POPDC2: variants seen among roughly 807,000 people sequenced by gnomAD.
POPDC2 encodes the protein popeye domain-containing protein 2.
Under a neutral mutation model 30.5 loss-of-function variants are expected in POPDC2, and 24 were observed. That is an observed-to-expected ratio of 0.79 (90% confidence interval 0.57 to 1.11). The LOEUF (loss-of-function observed/expected upper bound fraction) is 1.11, where lower values mean the gene tolerates loss of function less well. Among genes scored for constraint, POPDC2 ranks in the 50% least tolerant of loss-of-function variants. The pLI, the probability that POPDC2 is intolerant of heterozygous loss-of-function variation, is 0.00. For missense variants in POPDC2, 409 were observed against 447.0 expected (o/e 0.91, Z 0.77); for synonymous variants, 185 against 183.3 (o/e 1.01, Z -0.07).
intron 3 of POPDC2, among the ~76,000 whole-genome samples, chr3:119,646,790 G>A (rs565097094): frequency 1.4e-4 from 21 of 152,306 alleles, no homozygotes; most frequent in Admixed American, 1.1e-3. Flanking sequence ...GCTGTGAGTC[G>A]AAGAGAGAGT....
Position 119,648,449 on chromosome 3 carries a change from T to C in POPDC2, c.820A>G (p.Thr274Ala). 6.2e-7 allele frequency: 1 copy of C among 1,614,004 alleles called. No individual in the cohort carries two copies. Among genetic ancestry groups the C allele is most frequent in the East Asian group, 2.2e-5 (1 of 44,874 alleles). ...GACTCTGGTCCAGCATCTGCAGCAGTGGGACCCAGGACATGGTAGAGGCTG... is the reference window on the plus strand; with the variant it reads ...GACTCTGGTCCAGCATCTGCAGCAGCGGGACCCAGGACATGGTAGAGGCTG... ...LPSLYHVLGP[T>A]AADAGPESEK... is the part of the protein sequence containing the mutation. Residue 274 changes from threonine to alanine, a missense_variant, in exon 3 of 4, where the codon ACT becomes GCT. Coordinates refer to ENST00000493094, the MANE Select transcript of POPDC2 (RefSeq NM_001369919.2).
Position 119,660,545 on chromosome 3 carries a change from C to T in POPDC2, c.-122G>A, listed in dbSNP as rs2052931780. On this transcript the variant is annotated 5_prime_UTR_variant, in exon 1 of 4. In the 5' UTR this introduces an upstream ATG that the reference lacks. Coordinates refer to ENST00000493094, the MANE Select transcript of POPDC2 (RefSeq NM_001369919.2). ...CTCCGGCTTCTCACTACCGACTCCA[C>T]CTTTCCTAGAAGGAATGCTTCCGGT... 3.5e-6 allele frequency: 4 copies of T among 1,146,550 alleles called. No homozygotes were observed. Among genetic ancestry groups the T allele is most frequent in the East Asian group, 2.6e-5 (1 of 38,818 alleles). 71.0% of individuals were successfully genotyped at this position (1,146,550 alleles called of 1,614,324 possible). A position where few individuals can be genotyped will look rare whatever the true frequency, so the allele number is the denominator to read the frequency against.
intron 1 of POPDC2, among the ~76,000 whole-genome samples, chr3:119,659,030 G>A (rs1309204335): frequency 6.6e-6 from 1 of 151,622 alleles, no homozygotes; most frequent in East Asian, 1.9e-4. Context: ...GGGCTCAAGA[G>A]CCACTAGGGC....
At position 119,642,557 on chromosome 3, in the gene POPDC2, A is replaced by G; in HGVS notation, c.*48T>C. ...GAGAGTAGCTCTGGAGAGGAATTCTAGAAGCTGTGGAAAGAAAAAGAGGGA... is the reference window on the plus strand; with the variant it reads ...GAGAGTAGCTCTGGAGAGGAATTCTGGAAGCTGTGGAAAGAAAAAGAGGGA... On this transcript the variant is annotated 3_prime_UTR_variant, in exon 4 of 4. Transcript: ENST00000493094. 6.2e-7 allele frequency: 1 copy of G among 1,608,292 alleles called. No individual in the cohort carries two copies. Among genetic ancestry groups the G allele is most frequent in the Non-Finnish European group, 8.5e-7 (1 of 1,174,768 alleles).
chr3:119,660,630 C>T, upstream of POPDC2: 2 of 279,800 alleles, frequency 7.1e-6, no homozygotes, highest in South Asian at 1.4e-4. Flanking sequence ...AAACCTCTTT[C>T]TCTCTCTCTC....
intron 2 of POPDC2, 67 bp downstream of exon 2, chr3:119,654,438 A>G: frequency 9.5e-7 from 1 of 1,054,044 alleles, no homozygotes. Flanking sequence ...GGAAACATGG[A>G]GGCACGGATA....
chr3:119,659,860 GA>G (rs1487797744), intron 1 of POPDC2, 72 bp downstream of exon 1: 3 of 1,485,516 alleles, frequency 2.0e-6, no homozygotes, highest in African/African-American at 1.4e-5. Context: ...ACATGAAATG[GA>G]AAGGGACACA....
In POPDC2 at chr3:119,660,115, G is replaced by A; in HGVS notation, c.309C>T (p.Thr103=). 6.2e-7 allele frequency: 1 copy of A among 1,614,178 alleles called. No homozygotes were observed. The highest frequency in any genetic ancestry group is 1.3e-5 in the African/African-American group (1 of 75,048). Residue 103 remains threonine, a synonymous_variant, in exon 1 of 4, where the codon ACC becomes ACT. Transcript: ENST00000493094. ...AGAGGAGGTCAAACTCCTCAGGGAG[G>A]GTGTCCTCACGCAGGCGGTATACCA... ...AHLVYRLRED[T]LPEEFDLLYK... is the part of the protein sequence containing the mutation.
Position 119,655,674 on chromosome 3 carries a change from C to T in POPDC2, c.492-1061G>A, listed in dbSNP as rs188614097. ...CCAGTGTTCTCTTATATAATGTTCA[C>T]AACACCACAAGGTAGATTATTCTTT... On this transcript the variant is annotated intron_variant, in intron 1 of 3. Transcript: ENST00000493094. Among the ~76,000 whole-genome samples, 227 of 152,332 alleles carry T rather than the reference C, an allele frequency of 1.5e-3. 1 individual carries two copies. Among genetic ancestry groups the T allele is most frequent in the Admixed American group, 6.9e-3 (106 of 15,302 alleles).
At chr3:119,651,659 G>A (rs893349878) in intron 2 of POPDC2, among the ~76,000 whole-genome samples, 9 of 144,464 alleles carry the variant, frequency 6.2e-5, no homozygotes, top group African/African-American at 1.0e-4. Context: ...CCCCTGAGAC[G>A]AAGTCTTGCT....
At chr3:119,643,274 C>G in intron 3 of POPDC2, 1 of 804,694 alleles carries the variant, frequency 1.2e-6, no homozygotes, top group Non-Finnish European at 2.1e-6. Context: ...TCCTCCCAAA[C>G]AGATGAAGGA....
intron 3 of POPDC2, among the ~76,000 whole-genome samples, chr3:119,644,968 C>A (rs2052728893): frequency 6.6e-6 from 1 of 152,188 alleles, no homozygotes; most frequent in Non-Finnish European, 1.5e-5. Context: ...TCACAGACTA[C>A]ATTGAAAACT....
At chr3:119,655,508 T>C (rs2107822045) in intron 1 of POPDC2, among the ~76,000 whole-genome samples, 1 of 152,342 alleles carries the variant, frequency 6.6e-6, no homozygotes, top group Non-Finnish European at 1.5e-5. Flanking sequence ...CACAGAAAGT[T>C]CTGTTGGATC....
chr3:119,658,826 AT>A (rs2052907437), intron 1 of POPDC2, among the ~76,000 whole-genome samples: 1 of 151,912 alleles, frequency 6.6e-6, no homozygotes, highest in Non-Finnish European at 1.5e-5. Context: ...ACAAACACGT[AT>A]TATTACTATT....
intron 3 of POPDC2, 76 bp downstream of exon 3, chr3:119,648,043 T>C: frequency 8.7e-7 from 1 of 1,148,564 alleles, no homozygotes; most frequent in East Asian, 2.7e-5. Flanking sequence ...CCACGAATGA[T>C]TTTTTTTGCC....
At chr3:119,659,604 A>G (rs1021924896) in intron 1 of POPDC2, among the ~76,000 whole-genome samples, 1 of 152,194 alleles carries the variant, frequency 6.6e-6, no homozygotes, top group Non-Finnish European at 1.5e-5. Flanking sequence ...GGCATGACAC[A>G]CTGATATGTG....
Position 119,648,755 on chromosome 3 carries a change from A to C in POPDC2, c.601-87T>G, listed in dbSNP as rs1218638843. On this transcript the variant is annotated intron_variant, in intron 2 of 3. Coordinates refer to ENST00000493094, the MANE Select transcript of POPDC2 (RefSeq NM_001369919.2). ...CAGAGATCATTCAGTCACTTGGCAA[A>C]CAGCTGTACTTTTACTGAAGAAGCT... 12 of 1,195,330 alleles carry C rather than the reference A, an allele frequency of 1.0e-5. No homozygotes were observed. The South Asian group carries it at 1.0e-4, about 10-fold the overall frequency. The allele number at this position is 1,195,330 out of a possible 1,614,324, so 74.0% of individuals were successfully genotyped here. A position where few individuals can be genotyped will look rare whatever the true frequency, so the allele number is the denominator to read the frequency against.
chr3:119,655,487 G>A (rs563243691), intron 1 of POPDC2, among the ~76,000 whole-genome samples: 1 of 152,164 alleles, frequency 6.6e-6, no homozygotes, highest in Non-Finnish European at 1.5e-5. Context: ...GATCTAGAAC[G>A]TTTCTGTCAT....
At position 119,660,042 on chromosome 3, in the gene POPDC2, C is replaced by A; in HGVS notation, c.382G>T (p.Glu128Ter). 12 of 1,614,232 alleles carry A rather than the reference C, an allele frequency of 7.4e-6. No individual in the cohort carries two copies. Among genetic ancestry groups the A allele is most frequent in the Non-Finnish European group, 9.3e-6 (11 of 1,180,030 alleles). ...PLQVPLQTYK[E>*]IVHCCEEQVL... is the part of the protein sequence containing the mutation. ...TGCTCCTCGCAGCAGTGAACAATCT[C>A]CTTGTATGTCTGTAGGGGCACCTGC... Residue 128 changes from glutamate (E) to a stop codon, truncating the protein, a stop_gained, in exon 1 of 4, where the codon GAG (glutamate) becomes TAG (stop). Transcript: ENST00000493094. LOFTEE classifies it high-confidence loss of function.
Sources: allele counts gnomAD v4.1 joint callset (sites outside exome capture counted in the v4.1 genomes callset), GRCh38; gene constraint gnomAD v4.1.1; transcripts MANE v1.5; gene names NCBI Gene and HGNC (gene_info 2026-07-23, HGNC 2026-07-21).